The following RTL4 variants were observed in gnomAD, a reference collection of about 807,000 sequenced individuals.
RTL4 encodes retrotransposon Gag like 4.
A neutral mutation model predicts 5.3 loss-of-function variants in RTL4; 4 were observed. The ratio of observed to expected loss-of-function variants is 0.75; its 90% CI spans 0.37 to 1.72. The LOEUF is 1.72. Among genes scored for constraint, RTL4 ranks in the 40% most tolerant of loss-of-function variants. RTL4 has a pLI of 0.04. For missense variants in RTL4, 260 were observed against 227.1 expected (o/e 1.14, Z -0.93); for synonymous variants, 98 against 87.3 (o/e 1.12, Z -0.68).
the RTL4 span, among the ~76,000 whole-genome samples, chrX:112,085,917 A>G: frequency 8.9e-6 from 1 of 111,965 alleles, no homozygotes; most frequent in Non-Finnish European, 1.9e-5. Flanking sequence ...GTTATCAACA[A>G]TGCCATCTTC....
the RTL4 span, among the ~76,000 whole-genome samples, chrX:112,121,492 C>T: frequency 9.0e-6 from 1 of 111,342 alleles, no homozygotes; most frequent in Non-Finnish European, 1.9e-5. Context: ...AAAATCTCTC[C>T]ATAGGTAAAA....
the RTL4 span, among the ~76,000 whole-genome samples, chrX:112,134,043 G>A: frequency 5.3e-5 from 6 of 112,154 alleles, no homozygotes; most frequent in East Asian, 2.8e-4. Flanking sequence ...AAAATTAGTC[G>A]CATAGCAGAC....
At chrX:112,285,264 C>T in the RTL4 span, among the ~76,000 whole-genome samples, 2 of 111,540 alleles carry the variant, frequency 1.8e-5, no homozygotes, top group African/African-American at 3.3e-5. Flanking sequence ...TAAATGAAGT[C>T]CAGGGATAAT....
the RTL4 span, chrX:112,382,015 G>C: frequency 5.4e-5 from 65 of 1,205,973 alleles, no homozygotes; most frequent in Middle Eastern, 2.3e-4. Flanking sequence ...AATTACTGCA[G>C]CTAATTGAGC....
At chrX:112,191,721 G>A in the RTL4 span, among the ~76,000 whole-genome samples, 1 of 111,541 alleles carries the variant, frequency 9.0e-6, no homozygotes, top group African/African-American at 3.3e-5. Context: ...GAAAGAGTAG[G>A]CCTGCAAATG....
the RTL4 span, among the ~76,000 whole-genome samples, chrX:112,330,243 T>C: frequency 1.7e-4 from 18 of 109,043 alleles, 1 homozygote; most frequent in East Asian, 5.7e-4. Flanking sequence ...GATAACATCA[T>C]TGTATATCTA....
chrX:112,221,904 A>C, the RTL4 span, among the ~76,000 whole-genome samples: 1 of 112,718 alleles, frequency 8.9e-6, no homozygotes, highest in Non-Finnish European at 1.9e-5. Flanking sequence ...CTTTTGTTAA[A>C]AATAGGGCCT....
the RTL4 span, among the ~76,000 whole-genome samples, chrX:112,326,883 C>A: frequency 1.8e-5 from 2 of 111,424 alleles, no homozygotes; most frequent in Non-Finnish European, 3.8e-5. Context: ...GAGGCACCCC[C>A]CAGCAGGGGC....
chrX:112,413,578 A>G, the RTL4 span, among the ~76,000 whole-genome samples: 3 of 111,339 alleles, frequency 2.7e-5, no homozygotes, highest in Non-Finnish European at 5.7e-5. Context: ...TCATTATGTT[A>G]AGTAAAATAA....
the RTL4 span, among the ~76,000 whole-genome samples, chrX:112,200,674 A>G: frequency 1.8e-5 from 2 of 112,138 alleles, no homozygotes; most frequent in African/African-American, 6.5e-5. Flanking sequence ...TGATTTGAAC[A>G]CCAAAGTTAG....
chrX:112,295,233 G>A, the RTL4 span, among the ~76,000 whole-genome samples: 1 of 111,040 alleles, frequency 9.0e-6, no homozygotes, highest in African/African-American at 3.3e-5. Context: ...GGTAAGAGCT[G>A]GTATTTTTTT....
the RTL4 span, among the ~76,000 whole-genome samples, chrX:112,377,560 G>A: frequency 2.6e-3 from 288 of 111,910 alleles, 1 homozygote; most frequent in African/African-American, 9.0e-3. Context: ...TACTGAATAC[G>A]TATGACTTTC....
the RTL4 span, among the ~76,000 whole-genome samples, chrX:112,284,437 T>A: frequency 9.1e-6 from 1 of 110,227 alleles, no homozygotes; most frequent in Non-Finnish European, 1.9e-5. Context: ...AATCCAAAGG[T>A]AAGGGAATAT....
At chrX:112,316,558 C>G in the RTL4 span, among the ~76,000 whole-genome samples, 1 of 111,807 alleles carries the variant, frequency 8.9e-6, no homozygotes, top group South Asian at 3.7e-4. Flanking sequence ...CATGTAAAAC[C>G]CTATGCTTCT....
the RTL4 span, among the ~76,000 whole-genome samples, chrX:112,271,930 A>ATCT: frequency 8.9e-6 from 1 of 112,177 alleles, no homozygotes; most frequent in South Asian, 3.7e-4. Flanking sequence ...AAATGTAACA[A>ATCT]TATGATGTTT....
At chrX:112,254,901 A>G in the RTL4 span, among the ~76,000 whole-genome samples, 1 of 112,277 alleles carries the variant, frequency 8.9e-6, no homozygotes, top group African/African-American at 3.2e-5. Context: ...GTTCAAAAGA[A>G]AAGTCAAAAC....
the RTL4 span, among the ~76,000 whole-genome samples, chrX:112,422,363 G>A: frequency 9.0e-6 from 1 of 111,298 alleles, no homozygotes; most frequent in African/African-American, 3.3e-5. Context: ...CAATTGACAA[G>A]ATTTGGCATG....
chrX:112,131,219 C>CTTTTT, the RTL4 span, among the ~76,000 whole-genome samples: 11 of 99,550 alleles, frequency 1.1e-4, 1 homozygote, highest in African/African-American at 3.7e-4. Context: ...ATGTAAATAC[C>CTTTTT]TTTTTTTTTT....
the RTL4 span, among the ~76,000 whole-genome samples, chrX:112,239,402 CTG>C: frequency 1.8e-5 from 2 of 111,405 alleles, no homozygotes; most frequent in Admixed American, 9.6e-5. Context: ...CAGTAGGAAA[CTG>C]TGTCTTTATT....
Sources: gnomAD v4.1 joint callset for allele counts (sites outside exome capture counted in the v4.1 genomes callset) on GRCh38, gnomAD v4.1.1 for gene constraint, MANE v1.5 for transcripts, NCBI Gene and HGNC (gene_info 2026-07-23, HGNC 2026-07-21) for gene names.